LTBP1: variants seen among roughly 807,000 people sequenced by gnomAD.
LTBP1 encodes latent transforming growth factor beta binding protein 1.
A neutral mutation model predicts 207.6 loss-of-function variants in LTBP1; 129 were observed. The ratio of observed to expected loss-of-function variants is 0.62; its 90% CI spans 0.54 to 0.72. LTBP1 has a LOEUF of 0.72. Ranked by LOEUF, LTBP1 falls within the 30% of genes least tolerant of loss-of-function variation. The pLI, the probability that LTBP1 is intolerant of heterozygous loss-of-function variation, is 0.00. For missense variants in LTBP1, 2,281 were observed against 2,217.2 expected, an observed-to-expected ratio of 1.03 and a Z score of -0.58; for synonymous variants, 963 against 833.7, an observed-to-expected ratio of 1.16 and a Z score of -2.67.
chr2:33,280,228 A>C, intron 19 of LTBP1, 70 bp downstream of exon 19: 1 of 1,432,108 alleles, frequency 7.0e-7, no homozygotes, highest in South Asian at 1.5e-5. Context: ...AGAGTGGTGT[A>C]ATGCCAATGG....
At chr2:33,061,029 C>G (rs2077246021) in intron 3 of LTBP1, among the ~76,000 whole-genome samples, 1 of 152,024 alleles carries the variant, frequency 6.6e-6, no homozygotes, top group South Asian at 2.1e-4. Flanking sequence ...ATTGTAGAAA[C>G]TGGAGTTGGT....
At chr2:33,088,937 C>T (rs1202515872) in intron 3 of LTBP1, among the ~76,000 whole-genome samples, 1 of 152,016 alleles carries the variant, frequency 6.6e-6, no homozygotes, top group Non-Finnish European at 1.5e-5. Flanking sequence ...GGGCAGATCA[C>T]TTGAGATCAG....
intron 7 of LTBP1, among the ~76,000 whole-genome samples, chr2:33,212,986 C>T (rs1413671458): frequency 6.6e-6 from 1 of 152,230 alleles, no homozygotes; most frequent in Non-Finnish European, 1.5e-5. Flanking sequence ...TCCTCTTGCT[C>T]AGGGTATCTG....
intron 5 of LTBP1, among the ~76,000 whole-genome samples, chr2:33,162,778 C>T (rs1396509979): frequency 6.6e-6 from 1 of 151,896 alleles, no homozygotes; most frequent in Non-Finnish European, 1.5e-5. Context: ...AGGGAATAAA[C>T]AATATAAGTG....
chr2:33,273,051 A>T (rs1396832403), intron 15 of LTBP1, among the ~76,000 whole-genome samples: 1 of 152,208 alleles, frequency 6.6e-6, no homozygotes, highest in African/African-American at 2.4e-5. Context: ...TTGGGAAAAG[A>T]TTCTACTTTA....
intron 31 of LTBP1, among the ~76,000 whole-genome samples, chr2:33,376,556 C>T (rs776292208): frequency 2.0e-5 from 3 of 152,314 alleles, no homozygotes; most frequent in South Asian, 2.1e-4. Flanking sequence ...CCATAGGATG[C>T]GGAGCACCTT....
chr2:33,213,809 A>G (rs1380902272), intron 7 of LTBP1, among the ~76,000 whole-genome samples: 1 of 152,206 alleles, frequency 6.6e-6, no homozygotes, highest in Non-Finnish European at 1.5e-5. Context: ...CAGTTTCAAG[A>G]CACACACAGT....
At chr2:33,263,473 A>G in intron 15 of LTBP1, 81 bp downstream of exon 15, 2 of 1,005,278 alleles carry the variant, frequency 2.0e-6, no homozygotes, top group Non-Finnish European at 3.1e-6. Context: ...TATCCATTAT[A>G]TAAGCTTGCT....
At chr2:33,393,651 A>G (rs952733103) in intron 32 of LTBP1, among the ~76,000 whole-genome samples, 4 of 152,146 alleles carry the variant, frequency 2.6e-5, no homozygotes, top group Admixed American at 2.0e-4. Context: ...ATAGCATTCC[A>G]TGGTGTATAT....
rs1315145413 is a variant in LTBP1 at position 33,202,022 on chromosome 2, A to AACACACACACAGACACACACACACAC, written c.1701+13182_1701+13183insGACACACACACACACACACACACACA. 3.8e-3 allele frequency among the ~76,000 whole-genome samples: 530 copies of AACACACACACAGACACACACACACAC among 140,634 alleles called. 10 individuals carry two copies. Among genetic ancestry groups the AACACACACACAGACACACACACACAC allele is most frequent in the African/African-American group, 0.011 (402 of 36,176 alleles). The allele number at this position is 140,634 out of a possible 152,430, so 92.3% of individuals were successfully genotyped here. On this transcript the variant is annotated intron_variant, in intron 7 of 33. Coordinates refer to ENST00000404816, the MANE Select transcript of LTBP1 (RefSeq NM_206943.4). ...CCTAAGCTCTAAAGCTTAGCACTGG[A>AACACACACACAGACACACACACACAC]ACACACACACACACACACACACACA...
chr2:33,243,932 G>A (rs2092423026), intron 10 of LTBP1, 148 bp downstream of exon 10: 3 of 830,018 alleles, frequency 3.6e-6, no homozygotes, highest in Non-Finnish European at 5.6e-6. Context: ...GGGCCTGCCT[G>A]ATGTAGTAAA....
chr2:33,066,798 G>A (rs771800301), intron 3 of LTBP1, among the ~76,000 whole-genome samples: 2 of 152,292 alleles, frequency 1.3e-5, no homozygotes, highest in Non-Finnish European at 1.5e-5. Flanking sequence ...TGACTCCTTT[G>A]TTATCCAAGC....
intron 23 of LTBP1, among the ~76,000 whole-genome samples, chr2:33,310,550 C>T (rs906328729): frequency 2.6e-5 from 4 of 152,146 alleles, no homozygotes; most frequent in African/African-American, 4.8e-5. Flanking sequence ...ACTGAGGCTC[C>T]GAGAAGTTAG....
chr2:33,022,520 C>T (rs556556878), intron 3 of LTBP1, among the ~76,000 whole-genome samples: 2 of 152,208 alleles, frequency 1.3e-5, no homozygotes, highest in Non-Finnish European at 2.9e-5. Context: ...TCACAAGGAT[C>T]CTGTAAGGAA....
intron 11 of LTBP1, among the ~76,000 whole-genome samples, chr2:33,255,627 G>C (rs991302887): frequency 6.6e-6 from 1 of 152,092 alleles, no homozygotes; most frequent in Non-Finnish European, 1.5e-5. Context: ...TGTAAACTTG[G>C]TTTTTAAAGT....
intron 2 of LTBP1, among the ~76,000 whole-genome samples, chr2:32,990,278 C>T (rs1684209329): frequency 6.6e-6 from 1 of 152,230 alleles, no homozygotes; most frequent in South Asian, 2.1e-4. Flanking sequence ...GTCATGGTCT[C>T]TGGGCATTTT....
chr2:33,169,065 T>A (rs1351733273), intron 5 of LTBP1, among the ~76,000 whole-genome samples: 1 of 152,240 alleles, frequency 6.6e-6, no homozygotes, highest in Non-Finnish European at 1.5e-5. Context: ...TAGTCGGGCC[T>A]TGCAGATTTT....
chr2:32,970,193 A>G (rs954229043), intron 2 of LTBP1, among the ~76,000 whole-genome samples: 16 of 152,044 alleles, frequency 1.1e-4, no homozygotes, highest in Non-Finnish European at 2.4e-4. Flanking sequence ...GTTTGCAAAT[A>G]TTTTCTTCCA....
chr2:33,224,010 C>T (rs1389226155), intron 9 of LTBP1, among the ~76,000 whole-genome samples: 5 of 152,298 alleles, frequency 3.3e-5, no homozygotes, highest in South Asian at 2.1e-4. Context: ...AAGGCTGAGA[C>T]GTAATTCCTT....
Sources: gnomAD v4.1 joint callset for allele counts (sites outside exome capture counted in the v4.1 genomes callset) on GRCh38, gnomAD v4.1.1 for gene constraint, MANE v1.5 for transcripts, NCBI Gene and HGNC (gene_info 2026-07-23, HGNC 2026-07-21) for gene names.